Variants in KLF17 observed in about 807,000 individuals in gnomAD.
KLF17 encodes KLF transcription factor 17.
A neutral mutation model predicts 34.2 loss-of-function variants in KLF17; 31 were observed. The ratio of observed to expected loss-of-function variants is 0.91; its 90% confidence interval spans 0.68 to 1.22. The LOEUF is 1.22. KLF17 is among the 50% of genes most tolerant of loss of function. The pLI, the probability that KLF17 is intolerant of heterozygous loss-of-function variation, is 0.00. For missense variants in KLF17, 478 were observed against 505.2 expected (o/e 0.95, Z 0.52); for synonymous variants, 179 against 186.7 (o/e 0.96, Z 0.34).
At chr1:44,084,008 T>C in the KLF17 span, among the ~76,000 whole-genome samples, 1 of 152,314 alleles carries the variant, frequency 6.6e-6, no homozygotes, top group East Asian at 1.9e-4. Context: ...GTTTAGACTC[T>C]TGTTTCTGTG....
At chr1:44,127,822 T>A (rs2088045491) in intron 1 of KLF17, among the ~76,000 whole-genome samples, 1 of 151,152 alleles carries the variant, frequency 6.6e-6, no homozygotes, top group Non-Finnish European at 1.5e-5. Flanking sequence ...TTGTGTTTGA[T>A]TGTTGTTACG....
the KLF17 span, among the ~76,000 whole-genome samples, chr1:44,046,539 T>A: frequency 0.27 from 6,926 of 25,282 alleles, 434 homozygotes; most frequent in African/African-American, 0.49. Flanking sequence ...ACACACACAC[T>A]CACACACACA....
the KLF17 span, among the ~76,000 whole-genome samples, chr1:44,058,051 A>G: frequency 4.1e-4 from 62 of 152,364 alleles, 1 homozygote; most frequent in Non-Finnish European, 7.3e-5. Flanking sequence ...CTACTTAAAG[A>G]GATCATCCCA....
At chr1:44,064,347 C>T in the KLF17 span, among the ~76,000 whole-genome samples, 1 of 152,170 alleles carries the variant, frequency 6.6e-6, no homozygotes, top group Non-Finnish European at 1.5e-5. Context: ...CAGCTACCCC[C>T]AACAATTATC....
chr1:44,087,751 TATATATATATATATATATACAC>T, the KLF17 span, among the ~76,000 whole-genome samples: 1,179 of 69,048 alleles, frequency 0.017, 7 homozygotes, highest in Non-Finnish European at 0.024. Flanking sequence ...TATATATATA[TATATATATATATATATATACAC>T]ACACACACAC....
At chr1:44,091,939 AC>A in the KLF17 span, among the ~76,000 whole-genome samples, 1 of 133,988 alleles carries the variant, frequency 7.5e-6, no homozygotes. Context: ...CCAAAAAACA[AC>A]AACAACAACA....
chr1:44,075,212 A>G, the KLF17 span, among the ~76,000 whole-genome samples: 10 of 152,148 alleles, frequency 6.6e-5, no homozygotes, highest in Admixed American at 2.0e-4. Flanking sequence ...ATAATTCCTC[A>G]TGTAACTTTG....
At chr1:44,065,686 G>A in the KLF17 span, among the ~76,000 whole-genome samples, 27 of 152,050 alleles carry the variant, frequency 1.8e-4, no homozygotes, top group African/African-American at 5.3e-4. Context: ...TGTAATTACA[G>A]GCATGAGCCA....
chr1:44,092,634 CTT>C, the KLF17 span, among the ~76,000 whole-genome samples: 3 of 144,228 alleles, frequency 2.1e-5, no homozygotes, highest in African/African-American at 2.5e-5. Flanking sequence ...CACTCTTTAG[CTT>C]TTTTTTTTTT....
the KLF17 span, among the ~76,000 whole-genome samples, chr1:44,067,660 G>A: frequency 6.6e-6 from 1 of 152,348 alleles, no homozygotes; most frequent in Non-Finnish European, 1.5e-5. Context: ...ACCCCAGAGA[G>A]GGTGCAGAAC....
chr1:44,094,537 G>C, the KLF17 span, among the ~76,000 whole-genome samples: 13 of 152,026 alleles, frequency 8.6e-5, no homozygotes, highest in African/African-American at 3.1e-4. Context: ...GAGGGATAGG[G>C]GTCTGCTTTC....
chr1:44,075,154 C>A, the KLF17 span, among the ~76,000 whole-genome samples: 5 of 145,208 alleles, frequency 3.4e-5, no homozygotes, highest in Non-Finnish European at 7.8e-5. Flanking sequence ...TACACGTATA[C>A]ATTAGTTATT....
the KLF17 span, among the ~76,000 whole-genome samples, chr1:44,059,357 C>T: frequency 1.3e-5 from 2 of 152,228 alleles, no homozygotes; most frequent in African/African-American, 4.8e-5. Flanking sequence ...GCCCACTGGA[C>T]ACCATGTTGT....
intron 3 of KLF17, among the ~76,000 whole-genome samples, chr1:44,131,063 G>A (rs746479974): frequency 2.7e-4 from 41 of 152,168 alleles, no homozygotes; most frequent in Non-Finnish European, 1.3e-4. Context: ...CCAAAGTGCT[G>A]GGATTACAGG....
chr1:44,116,254 T>C (rs2087878236), upstream of KLF17, among the ~76,000 whole-genome samples: 1 of 152,080 alleles, frequency 6.6e-6, no homozygotes, highest in South Asian at 2.1e-4. Context: ...AAGGGCCTGC[T>C]CTCAGCCCCA....
chr1:44,121,351 A>T (rs907724610), intron 1 of KLF17, among the ~76,000 whole-genome samples: 6 of 152,072 alleles, frequency 3.9e-5, no homozygotes, highest in African/African-American at 1.4e-4. Flanking sequence ...CTGCCCTCAA[A>T]TGATCTACCC....
chr1:44,088,133 T>TTATTTATTTATTTATTTATA, the KLF17 span: 1 of 155,930 alleles, frequency 6.4e-6, no homozygotes, highest in African/African-American at 2.4e-5. Context: ...ATTTATTTAT[T>TTATTTATTTATTTATTTATA]TTTGAGGCAG....
At chr1:44,093,037 A>G in the KLF17 span, among the ~76,000 whole-genome samples, 3 of 137,000 alleles carry the variant, frequency 2.2e-5, no homozygotes, top group Non-Finnish European at 4.9e-5. Context: ...TAAGGTACTC[A>G]AAGGAGAATA....
rs144255993 is a variant in KLF17 at position 44,129,836 on chromosome 1, G to A, written c.565G>A (p.Glu189Lys). 1.2e-5 allele frequency: 20 copies of A among 1,614,152 alleles called. No homozygotes were observed. The highest frequency in any genetic ancestry group is 3.3e-4 in the Middle Eastern group (2 of 6,062). Residue 189 changes from glutamate to lysine, a missense_variant, in exon 2 of 4, where the codon GAA (glutamate) becomes AAA (lysine). Transcript: ENST00000372299. ...TGGCCTCTCGACAGTACCTTCTGAC[G>A]AAACATTGTTGGGCCCGACTGTGCC... ...YPGLSTVPSD[E>K]TLLGPTVPST...
Sources: gnomAD v4.1 joint callset for allele counts (sites outside exome capture counted in the v4.1 genomes callset) on GRCh38, gnomAD v4.1.1 for gene constraint, MANE v1.5 for transcripts, NCBI Gene and HGNC (gene_info 2026-07-23, HGNC 2026-07-21) for gene names.